Variants in ARHGAP22 observed in about 807,000 individuals in gnomAD.
ARHGAP22 encodes Rho GTPase activating protein 22, also known as rho GTPase-activating protein 22.
Under a neutral mutation model 59.1 loss-of-function variants are expected in ARHGAP22, and 48 were observed. The observed-to-expected ratio is 0.81, with a 90% CI of 0.64 to 1.03. The LOEUF is 1.03. Among genes scored for constraint, ARHGAP22 ranks in the 50% least tolerant of loss-of-function variants. The pLI is 0.00. For synonymous variants in ARHGAP22, 445 were observed against 416.4 expected (o/e 1.07, Z -0.84); for missense variants, 1,015 against 958.7 (o/e 1.06, Z -0.78).
intron 2 of ARHGAP22, among the ~76,000 whole-genome samples, chr10:48,562,836 G>A (rs1359940390): frequency 5.3e-5 from 8 of 152,196 alleles, no homozygotes; most frequent in Admixed American, 1.3e-4. Context: ...ATTTGATTCA[G>A]TTATCAAAAA....
intron 5 of ARHGAP22, among the ~76,000 whole-genome samples, chr10:48,457,662 G>A (rs1024526305): frequency 6.6e-6 from 1 of 152,208 alleles, no homozygotes; most frequent in Non-Finnish European, 1.5e-5. Context: ...GGGACACTGT[G>A]CTGGGAAGGG....
intron 3 of ARHGAP22, among the ~76,000 whole-genome samples, chr10:48,554,335 G>A (rs939803924): frequency 6.6e-6 from 1 of 152,160 alleles, no homozygotes; most frequent in Non-Finnish European, 1.5e-5. Context: ...CTCCCTCAGT[G>A]GACAGCCAAT....
chr10:48,652,149 A>T (rs1217804138), intron 1 of ARHGAP22: 16 of 1,301,338 alleles, frequency 1.2e-5, no homozygotes, highest in Admixed American at 2.0e-5. Flanking sequence ...CAAGACCAAG[A>T]CAGCCTCCGG....
At chr10:48,584,821 T>C (rs956947857) in intron 1 of ARHGAP22, among the ~76,000 whole-genome samples, 7 of 152,172 alleles carry the variant, frequency 4.6e-5, no homozygotes, top group East Asian at 1.9e-4. Context: ...GGCGAAACCC[T>C]GTCTCTACTA....
intron 1 of ARHGAP22, among the ~76,000 whole-genome samples, chr10:48,597,748 A>G (rs2060152369): frequency 6.6e-6 from 1 of 152,240 alleles, no homozygotes; most frequent in Admixed American, 6.5e-5. Context: ...TAAGCAGGCC[A>G]TTCACCAAGA....
chr10:48,569,771 G>A (rs1335509429), intron 2 of ARHGAP22, among the ~76,000 whole-genome samples: 3 of 152,160 alleles, frequency 2.0e-5, no homozygotes, highest in Non-Finnish European at 2.9e-5. Flanking sequence ...GTGGAGATCC[G>A]TCTTGTAGGC....
chr10:48,517,526 T>G (rs1201665831), intron 3 of ARHGAP22, among the ~76,000 whole-genome samples: 4 of 152,158 alleles, frequency 2.6e-5, no homozygotes, highest in African/African-American at 9.7e-5. Flanking sequence ...CCTCTTCCCT[T>G]CGGGAGTTCA....
chr10:48,502,820 A>G (rs1267258592), intron 3 of ARHGAP22, among the ~76,000 whole-genome samples: 1 of 152,252 alleles, frequency 6.6e-6, no homozygotes, highest in African/African-American at 2.4e-5. Context: ...TACTGGGGAC[A>G]CAGCAGTGAC....
intron 4 of ARHGAP22, among the ~76,000 whole-genome samples, chr10:48,466,415 C>A (rs2047689034): frequency 6.6e-6 from 1 of 151,952 alleles, no homozygotes; most frequent in South Asian, 2.1e-4. Flanking sequence ...ACCAGATCCG[C>A]GGTGACACCC....
intron 9 of ARHGAP22, among the ~76,000 whole-genome samples, chr10:48,447,309 C>G (rs2045457272): frequency 6.6e-6 from 1 of 152,226 alleles, no homozygotes. Context: ...AAGGGACACA[C>G]CTGAGCCCAG....
At chr10:48,494,018 T>C (rs1263592527) in intron 3 of ARHGAP22, among the ~76,000 whole-genome samples, 1 of 152,222 alleles carries the variant, frequency 6.6e-6, no homozygotes. Context: ...TCTGTTTCCA[T>C]TTTCTCATCA....
At chr10:48,505,290 G>A (rs2051987371) in intron 3 of ARHGAP22, among the ~76,000 whole-genome samples, 1 of 152,066 alleles carries the variant, frequency 6.6e-6, no homozygotes, top group Admixed American at 6.5e-5. Context: ...CCTGATTTAG[G>A]TGATCTGCCC....
intron 3 of ARHGAP22, among the ~76,000 whole-genome samples, chr10:48,522,857 G>A (rs60771413): frequency 0.012 from 1,798 of 152,322 alleles, 43 homozygotes; most frequent in African/African-American, 0.041. Flanking sequence ...GTTGCAAAGA[G>A]GCTCAACCAC....
At chr10:48,636,201 C>T (rs1484811474) in intron 1 of ARHGAP22, among the ~76,000 whole-genome samples, 2 of 152,190 alleles carry the variant, frequency 1.3e-5, no homozygotes, top group Non-Finnish European at 2.9e-5. Flanking sequence ...TCTTCCTCTG[C>T]CCTGCACAGC....
intron 1 of ARHGAP22, among the ~76,000 whole-genome samples, chr10:48,627,944 G>C (rs1462474000): frequency 6.6e-6 from 1 of 152,192 alleles, no homozygotes; most frequent in Non-Finnish European, 1.5e-5. Context: ...TCTATACTTT[G>C]GTTCCTTACC....
Position 48,454,204 on chromosome 10 carries a change from C to T in ARHGAP22, c.793-43G>A, listed in dbSNP as rs755809023. The T allele has an allele frequency of 5.1e-6, 8 of 1,559,812 alleles. No homozygotes were observed. In the Admixed American group the frequency reaches 6.7e-5, roughly 13 times the overall value. ...GAATTTCAAACACCGGCAATGAGGG[C>T]CCTGACTGTTCTCTGACTGCGAGGA... On this transcript the variant is annotated intron_variant, in intron 6 of 9. Transcript: ENST00000249601.
At chr10:48,551,279 C>T (rs762071861) in intron 3 of ARHGAP22, among the ~76,000 whole-genome samples, 31 of 152,160 alleles carry the variant, frequency 2.0e-4, no homozygotes, top group Non-Finnish European at 8.8e-5. Flanking sequence ...GCCTGTCTGC[C>T]CTGCACTATG....
chr10:48,435,048 G>T, the ARHGAP22 span: 5 of 1,502,204 alleles, frequency 3.3e-6, no homozygotes, highest in East Asian at 2.4e-5. Context: ...GCCATCGGGG[G>T]GTGGGAGGGA....
intron 9 of ARHGAP22, 140 bp downstream of exon 9, chr10:48,450,121 A>C: frequency 1.6e-6 from 2 of 1,269,974 alleles, no homozygotes; most frequent in Non-Finnish European, 1.1e-6. Context: ...GGGCTTTCCC[A>C]GAGCTAGGAT....
Sources: allele counts gnomAD v4.1 joint callset (sites outside exome capture counted in the v4.1 genomes callset), GRCh38; gene constraint gnomAD v4.1.1; transcripts MANE v1.5; gene names NCBI Gene and HGNC (gene_info 2026-07-23, HGNC 2026-07-21).